Variants in SLC38A8 observed in about 807,000 individuals in gnomAD.
The protein encoded by SLC38A8 is solute carrier family 38 member 8.
Under a neutral mutation model 46.0 loss-of-function variants are expected in SLC38A8, and 65 were observed. The ratio of observed to expected loss-of-function variants is 1.41; its 90% CI spans 1.16 to 1.74. SLC38A8 has a LOEUF of 1.74. SLC38A8 is among the 40% of genes most tolerant of loss of function. The pLI is 0.00. For synonymous variants in SLC38A8, 447 were observed against 243.7 expected, an observed-to-expected ratio of 1.83 and a Z score of -7.77; for missense variants, 998 against 567.9, an observed-to-expected ratio of 1.76 and a Z score of -7.70.
At chr16:84,025,580 G>T (rs2085153581) in intron 6 of SLC38A8, among the ~76,000 whole-genome samples, 1 of 152,152 alleles carries the variant, frequency 6.6e-6, no homozygotes, top group Non-Finnish European at 1.5e-5. Context: ...CCTGCACCGA[G>T]CTGAATAAAC....
chr16:84,012,199 C>T (rs970216794), intron 10 of SLC38A8, among the ~76,000 whole-genome samples: 2 of 152,206 alleles, frequency 1.3e-5, no homozygotes, highest in Admixed American at 1.3e-4. Context: ...GCCTCAGTTT[C>T]CCCATCTATG....
At chr16:84,028,360 C>CGATCT (rs1567698776) in intron 6 of SLC38A8, among the ~76,000 whole-genome samples, 3 of 151,990 alleles carry the variant, frequency 2.0e-5, no homozygotes, top group African/African-American at 7.2e-5. Context: ...GAGGGCAGAT[C>CGATCT]GCTTGACGTC....
chr16:84,015,169 G>A (rs375159673), intron 9 of SLC38A8, among the ~76,000 whole-genome samples: 28 of 152,230 alleles, frequency 1.8e-4, no homozygotes, highest in South Asian at 1.7e-3. Context: ...AGGGAGTCTC[G>A]ACTGTGTACT....
upstream of SLC38A8, among the ~76,000 whole-genome samples, chr16:84,043,032 A>G (rs2085384706): frequency 6.6e-6 from 1 of 152,142 alleles, no homozygotes; most frequent in African/African-American, 2.4e-5. Flanking sequence ...GGGGGCGTGA[A>G]AAGTGCCCTG....
intron 4 of SLC38A8, 119 bp from the exon 5 acceptor site, chr16:84,032,087 G>A (rs925560504): frequency 7.2e-6 from 6 of 829,846 alleles, no homozygotes; most frequent in African/African-American, 3.3e-5. Context: ...TGGCCAAGCT[G>A]TCCACCTCTG....
chr16:84,015,179 T>G (rs542621031), intron 9 of SLC38A8, among the ~76,000 whole-genome samples: 8 of 152,138 alleles, frequency 5.3e-5, no homozygotes, highest in Non-Finnish European at 1.2e-4. Context: ...GACTGTGTAC[T>G]CAACACTTGC....
chr16:84,024,045 G>C (rs1398364174), intron 6 of SLC38A8, among the ~76,000 whole-genome samples: 1 of 152,208 alleles, frequency 6.6e-6, no homozygotes, highest in East Asian at 1.9e-4. Flanking sequence ...CTGTGTGTTT[G>C]GGGTGGGGGT....
At chr16:84,020,627 T>C (rs1398914730) in intron 7 of SLC38A8, among the ~76,000 whole-genome samples, 1 of 152,196 alleles carries the variant, frequency 6.6e-6, no homozygotes, top group Non-Finnish European at 1.5e-5. Context: ...AGCGAGGATC[T>C]CTGTGCCAGG....
At chr16:84,035,354 C>G (rs2085289364) in intron 3 of SLC38A8, among the ~76,000 whole-genome samples, 2 of 152,262 alleles carry the variant, frequency 1.3e-5, no homozygotes, top group Admixed American at 1.3e-4. Flanking sequence ...ATCTCAATAC[C>G]CCCCAGTCAG....
intron 4 of SLC38A8, among the ~76,000 whole-genome samples, chr16:84,032,506 C>A (rs750974704): frequency 6.6e-6 from 1 of 152,140 alleles, no homozygotes; most frequent in African/African-American, 2.4e-5. Context: ...TTAATGGCAC[C>A]CGGCGCCCTT....
At chr16:84,013,188 G>A in intron 9 of SLC38A8, 136 bp from the exon 10 acceptor site, 2 of 870,746 alleles carry the variant, frequency 2.3e-6, no homozygotes, top group South Asian at 1.6e-5. Context: ...CAGGCCCCCT[G>A]GAGAGGCAAC....
At chr16:84,036,970 T>A (rs1345654064) in intron 2 of SLC38A8, 70 bp from the exon 3 acceptor site, 66 of 1,324,592 alleles carry the variant, frequency 5.0e-5, no homozygotes, top group Non-Finnish European at 6.2e-5. Flanking sequence ...CAGCCACCCC[T>A]CGGGCACACT....
chr16:84,036,252 G>T (rs890611555), intron 3 of SLC38A8, among the ~76,000 whole-genome samples: 1 of 152,260 alleles, frequency 6.6e-6, no homozygotes, highest in African/African-American at 2.4e-5. Context: ...TGAGTCCAGT[G>T]AAAATGAAAA....
At chr16:84,018,216 C>T (rs2085054082) in intron 7 of SLC38A8, among the ~76,000 whole-genome samples, 1 of 147,240 alleles carries the variant, frequency 6.8e-6, no homozygotes, top group Non-Finnish European at 1.5e-5. Flanking sequence ...TGACTCAGCC[C>T]TCATTCCTTT....
chr16:84,020,217 T>C (rs1350109032), intron 7 of SLC38A8, among the ~76,000 whole-genome samples: 1 of 151,734 alleles, frequency 6.6e-6, no homozygotes, highest in Non-Finnish European at 1.5e-5. Flanking sequence ...CACAGCTCAT[T>C]CCAGCCTTGA....
chr16:84,042,964 GC>G (rs938136201), upstream of SLC38A8, among the ~76,000 whole-genome samples: 28 of 152,174 alleles, frequency 1.8e-4, no homozygotes, highest in Non-Finnish European at 3.8e-4. Flanking sequence ...TGATCTCATG[GC>G]AGCTTCTGCA....
At chr16:84,030,690 A>G (rs1597269991) in intron 5 of SLC38A8, among the ~76,000 whole-genome samples, 1 of 152,076 alleles carries the variant, frequency 6.6e-6, no homozygotes, top group African/African-American at 2.4e-5. Flanking sequence ...TCTCTCTCTT[A>G]CTCACCTTCC....
intron 6 of SLC38A8, among the ~76,000 whole-genome samples, chr16:84,026,658 C>G (rs966734440): frequency 2.0e-5 from 3 of 152,150 alleles, no homozygotes; most frequent in Non-Finnish European, 4.4e-5. Context: ...AAAGTGGACC[C>G]CACCCAGATG....
At position 84,033,402 on chromosome 16, in the gene SLC38A8, G is replaced by C. The variant is rs975159518; in HGVS notation, c.456C>G (p.Thr152=). ...TGACCAGCACGGAGAGCAGGGGCAG[G>C]GTGAAGCGCTGGTCTGCGTACCACG... ...PQPWYADQRF[T]LPLLSVLVIL... is the part of the protein sequence containing the mutation. Residue 152 remains threonine, a synonymous_variant, in exon 4 of 11, where the codon ACC becomes ACG. Coordinates refer to ENST00000299709, the MANE Select transcript of SLC38A8 (RefSeq NM_001080442.3). The C allele has an allele frequency of 6.2e-7, 1 of 1,613,932 alleles. No individual in the cohort carries two copies. The highest frequency in any genetic ancestry group is 1.7e-5 in the Admixed American group (1 of 60,010).
Sources: allele counts gnomAD v4.1 joint callset (sites outside exome capture counted in the v4.1 genomes callset), GRCh38; gene constraint gnomAD v4.1.1; transcripts MANE v1.5; gene names NCBI Gene and HGNC (gene_info 2026-07-23, HGNC 2026-07-21).